Variants in MSRA observed in about 807,000 individuals in gnomAD.
The protein encoded by MSRA is methionine sulfoxide reductase A, also known as mitochondrial peptide methionine sulfoxide reductase.
In MSRA, 54 loss-of-function variants were observed where a neutral mutation model predicts 31.3. The observed-to-expected ratio is 1.73, with a 90% CI of 1.39 to 2.17. MSRA has a LOEUF of 2.17. Among genes scored for constraint, MSRA ranks in the 30% most tolerant of loss-of-function variants. The pLI, the probability that MSRA is intolerant of heterozygous loss-of-function variation, is 0.00. For missense variants in MSRA, 507 were observed against 300.9 expected, an observed-to-expected ratio of 1.69 and a Z score of -5.07; for synonymous variants, 169 against 116.5, an observed-to-expected ratio of 1.45 and a Z score of -2.90.
chr8:10,165,548 T>C (rs1206904469), intron 1 of MSRA, among the ~76,000 whole-genome samples: 1 of 152,126 alleles, frequency 6.6e-6, no homozygotes, highest in Non-Finnish European at 1.5e-5. Flanking sequence ...CAGCAGCACG[T>C]TGGTACCTGG....
At chr8:10,360,601 T>C (rs1329612367) in intron 5 of MSRA, among the ~76,000 whole-genome samples, 1 of 152,252 alleles carries the variant, frequency 6.6e-6, no homozygotes, top group Non-Finnish European at 1.5e-5. Flanking sequence ...CATATTGTTC[T>C]GTGTGCAACA....
intron 1 of MSRA, among the ~76,000 whole-genome samples, chr8:10,154,575 C>T (rs2052690261): frequency 6.6e-6 from 1 of 152,066 alleles, no homozygotes; most frequent in African/African-American, 2.4e-5. Context: ...GACAGGATTT[C>T]ACCGTGTTAG....
At chr8:10,060,362 G>C (rs952109900) in intron 1 of MSRA, among the ~76,000 whole-genome samples, 3 of 152,214 alleles carry the variant, frequency 2.0e-5, no homozygotes, top group Non-Finnish European at 4.4e-5. Flanking sequence ...GGTCTCAACA[G>C]TGTATATATA....
chr8:10,129,052 C>G (rs550348848), intron 1 of MSRA, among the ~76,000 whole-genome samples: 37 of 152,164 alleles, frequency 2.4e-4, no homozygotes, highest in Non-Finnish European at 4.3e-4. Context: ...GATGGTATCT[C>G]AACTCTTCGC....
intron 1 of MSRA, among the ~76,000 whole-genome samples, chr8:10,165,946 G>C (rs908220017): frequency 6.6e-6 from 1 of 152,180 alleles, no homozygotes; most frequent in Admixed American, 6.5e-5. Flanking sequence ...AGACTGGCCT[G>C]GTCCCTGGAA....
intron 4 of MSRA, among the ~76,000 whole-genome samples, chr8:10,306,660 G>C (rs531955009): frequency 3.9e-5 from 6 of 152,306 alleles, no homozygotes; most frequent in African/African-American, 9.6e-5. Flanking sequence ...AACTGGATCA[G>C]GTTCCCAGCA....
chr8:10,405,964 G>A (rs1180384125), intron 5 of MSRA, among the ~76,000 whole-genome samples: 1 of 152,252 alleles, frequency 6.6e-6, no homozygotes, highest in Non-Finnish European at 1.5e-5. Context: ...GATGGATCAC[G>A]AGGGGCAGAG....
chr8:10,245,296 C>G, intron 3 of MSRA, 73 bp downstream of exon 3: 3 of 1,376,756 alleles, frequency 2.2e-6, no homozygotes, highest in Non-Finnish European at 3.0e-6. Context: ...GGGTGACAGG[C>G]TCTTTAAAAT....
intron 3 of MSRA, among the ~76,000 whole-genome samples, chr8:10,287,912 G>A (rs1025356020): frequency 6.6e-6 from 1 of 152,102 alleles, no homozygotes; most frequent in African/African-American, 2.4e-5. Context: ...TCCTGGAGTT[G>A]CCATTTGCTT....
chr8:10,223,352 G>C lies in MSRA; in HGVS notation c.211+15451G>C, dbSNP rs149670267. 1.7e-3 allele frequency among the ~76,000 whole-genome samples: 257 copies of C among 152,290 alleles called. 1 individual carries two copies. The highest frequency in any genetic ancestry group is 5.7e-3 in the African/African-American group (238 of 41,566). On this transcript the variant is annotated intron_variant, in intron 2 of 5. Transcript: ENST00000317173. The stretch of plus-strand genomic sequence containing the variant: ...ACTTGGAATGGAGCACAGGGCAAAG[G>C]AACATTGTAATGTGATTTAGAATAT...
At chr8:10,421,277 C>G (rs1808796539) in intron 5 of MSRA, among the ~76,000 whole-genome samples, 1 of 152,200 alleles carries the variant, frequency 6.6e-6, no homozygotes, top group Admixed American at 6.5e-5. Context: ...CCAGGCTTCC[C>G]TGTCCTCAGC....
At chr8:10,174,918 C>G (rs1203948373) in intron 1 of MSRA, among the ~76,000 whole-genome samples, 1 of 152,174 alleles carries the variant, frequency 6.6e-6, no homozygotes, top group African/African-American at 2.4e-5. Flanking sequence ...GACAGGCTGC[C>G]TTCAGCTTCC....
chr8:10,107,295 T>G (rs916261560), intron 1 of MSRA, among the ~76,000 whole-genome samples: 4 of 152,016 alleles, frequency 2.6e-5, no homozygotes, highest in African/African-American at 9.7e-5. Flanking sequence ...CACTTAAGTA[T>G]AGCACTCTGA....
At chr8:10,218,114 C>CTATTTATTTATT (rs371596796) in intron 2 of MSRA, among the ~76,000 whole-genome samples, 159 of 138,798 alleles carry the variant, frequency 1.1e-3, no homozygotes, top group Middle Eastern at 3.6e-3. Flanking sequence ...GGTTCCTTTT[C>CTATTTATTTATT]TATTTATTTA....
intron 1 of MSRA, among the ~76,000 whole-genome samples, chr8:10,115,285 T>G (rs923046): frequency 0.83 from 126,961 of 152,176 alleles, 54,497 homozygotes; most frequent in East Asian, 0.96. Context: ...GCGGTCATGG[T>G]GTTAGATTTT....
At chr8:10,136,599 T>A (rs950640307) in intron 1 of MSRA, among the ~76,000 whole-genome samples, 1 of 152,228 alleles carries the variant, frequency 6.6e-6, no homozygotes, top group Non-Finnish European at 1.5e-5. Flanking sequence ...CTGTACATTG[T>A]AGCATATCTC....
At chr8:10,233,963 A>G (rs1313210273) in intron 2 of MSRA, among the ~76,000 whole-genome samples, 2 of 152,210 alleles carry the variant, frequency 1.3e-5, no homozygotes, top group Non-Finnish European at 2.9e-5. Context: ...AGAAATGACC[A>G]TCAGACTGAC....
At chr8:10,112,829 G>A (rs1164874819) in intron 1 of MSRA, among the ~76,000 whole-genome samples, 1 of 152,130 alleles carries the variant, frequency 6.6e-6, no homozygotes, top group African/African-American at 2.4e-5. Context: ...TGACCTCAAG[G>A]CCCATTGCTG....
At position 10,336,429 on chromosome 8, in the gene MSRA, A is replaced by AG. The variant is rs146537703; in HGVS notation, c.543+16440_543+16441insG. Among the ~76,000 whole-genome samples the AG allele has an allele frequency of 3.0e-3, 463 of 151,804 alleles. 17 individuals are homozygous for AG. In the East Asian group the frequency reaches 0.083, roughly 27 times the overall value. ...CAAGCACATGTGATAGAAAAAAAAA[A>AG]TTTTAATCCTTTTTTTTTTTTCATT... is the stretch of plus-strand genomic sequence containing the variant. On this transcript the variant is annotated intron_variant, in intron 5 of 5. Coordinates refer to ENST00000317173, the MANE Select transcript of MSRA (RefSeq NM_012331.5).
Sources: allele counts gnomAD v4.1 joint callset (sites outside exome capture counted in the v4.1 genomes callset), GRCh38; gene constraint gnomAD v4.1.1; transcripts MANE v1.5; gene names NCBI Gene and HGNC (gene_info 2026-07-23, HGNC 2026-07-21).